The following DIS3L variants were observed in gnomAD, a reference collection of about 807,000 sequenced individuals.
DIS3L encodes the protein DIS3-like exonuclease 1.
In DIS3L, 100 loss-of-function variants were observed where a neutral mutation model predicts 120.3. The ratio of observed to expected loss-of-function variants is 0.83; its 90% CI spans 0.71 to 0.98. The LOEUF (loss-of-function observed/expected upper bound fraction) is 0.98, where lower values mean the gene tolerates loss of function less well. DIS3L is among the 50% of genes least tolerant of loss of function. The pLI, the probability that DIS3L is intolerant of heterozygous loss-of-function variation, is 0.00. For synonymous variants in DIS3L, 426 were observed against 470.6 expected, an observed-to-expected ratio of 0.91 and a Z score of 1.23; for missense variants, 1,196 against 1,314.2, an observed-to-expected ratio of 0.91 and a Z score of 1.39.
intron 14 of DIS3L, among the ~76,000 whole-genome samples, chr15:66,331,128 C>G (rs2092994250): frequency 6.6e-6 from 1 of 151,974 alleles, no homozygotes; most frequent in African/African-American, 2.4e-5. Context: ...GCACTCCAGC[C>G]TAGGCGATAG....
At chr15:66,305,503 T>C (rs547862910) in intron 2 of DIS3L, among the ~76,000 whole-genome samples, 2 of 152,220 alleles carry the variant, frequency 1.3e-5, no homozygotes, top group South Asian at 4.1e-4. Context: ...TTAAATCTGA[T>C]TTAATATGAA....
intron 9 of DIS3L, 104 bp downstream of exon 9, chr15:66,320,836 T>C: frequency 7.3e-7 from 1 of 1,361,560 alleles, no homozygotes. Flanking sequence ...AACAACCCAC[T>C]GTGTGAAGGC....
chr15:66,330,563 C>A, intron 14 of DIS3L: 1 of 982,500 alleles, frequency 1.0e-6, no homozygotes, highest in Non-Finnish European at 1.2e-6. Context: ...GCCATGTGGA[C>A]TACCTAAATT....
chr15:66,333,502 G>A lies in DIS3L; in HGVS notation c.*190G>A, dbSNP rs531773853. The A allele has an allele frequency of 1.8e-5, 9 of 508,708 alleles. No homozygotes were observed. Among genetic ancestry groups the A allele is most frequent in the Middle Eastern group, 5.3e-4 (1 of 1,880 alleles). The allele number at this position is 508,708 out of a possible 1,614,324, so 31.5% of individuals were successfully genotyped here. A position where few individuals can be genotyped will look rare whatever the true frequency, so the allele number is the denominator to read the frequency against. On this transcript the variant is annotated 3_prime_UTR_variant, in exon 17 of 17. Coordinates refer to ENST00000319212, the MANE Select transcript of DIS3L (RefSeq NM_001143688.3). Reference sequence around the variant, plus strand: ...CCCCAGCACTTTGGGAGGCTGAGGCGGGCGGATCACGAGGTCAGGAGATTG... The same window carrying A: ...CCCCAGCACTTTGGGAGGCTGAGGCAGGCGGATCACGAGGTCAGGAGATTG...
chr15:66,318,701 A>C, intron 8 of DIS3L, 83 bp downstream of exon 8: 1 of 1,380,752 alleles, frequency 7.2e-7, no homozygotes, highest in Non-Finnish European at 9.9e-7. Context: ...ACCAGAAAGC[A>C]TTGTTAATTC....
intron 4 of DIS3L, 79 bp downstream of exon 4, chr15:66,308,923 C>T (rs2092728061): frequency 6.9e-7 from 1 of 1,455,414 alleles, no homozygotes; most frequent in Middle Eastern, 1.9e-4. Flanking sequence ...TTTGGTAACA[C>T]AGAAAAGAGA....
intron 6 of DIS3L, 117 bp from the exon 7 acceptor site, chr15:66,314,919 A>G: frequency 9.1e-7 from 1 of 1,100,498 alleles, no homozygotes; most frequent in Non-Finnish European, 1.3e-6. Flanking sequence ...CTTTGAAAAG[A>G]AAAAGCTTTA....
At chr15:66,313,942 G>C (rs2092791592) in intron 5 of DIS3L, 97 bp from the exon 6 acceptor site, 1 of 870,610 alleles carries the variant, frequency 1.1e-6, no homozygotes. Flanking sequence ...GAATATTATG[G>C]GGATGTTTTC....
intron 2 of DIS3L, among the ~76,000 whole-genome samples, chr15:66,301,384 G>A (rs2092646404): frequency 6.6e-6 from 1 of 151,838 alleles, no homozygotes; most frequent in Non-Finnish European, 1.5e-5. Flanking sequence ...GGGTTTAAGC[G>A]GTTCTCCTGC....
At chr15:66,295,625 A>C (rs1264831554) in intron 2 of DIS3L, among the ~76,000 whole-genome samples, 1 of 152,194 alleles carries the variant, frequency 6.6e-6, no homozygotes, top group Non-Finnish European at 1.5e-5. Flanking sequence ...TTTTATTTTT[A>C]GATTACTAGT....
intron 12 of DIS3L, among the ~76,000 whole-genome samples, chr15:66,327,871 G>A (rs1219705277): frequency 6.6e-6 from 1 of 152,172 alleles, no homozygotes; most frequent in African/African-American, 2.4e-5. Flanking sequence ...GACCAGCCTT[G>A]CCAACATGAT....
rs774480883 is a variant in DIS3L, at chr15:66,314,090, C to A, written c.787C>A (p.Leu263Ile). The change falls in exon 6 of 17, where the codon CTT becomes ATT. Residue 263 changes from leucine (L) to isoleucine (I), a missense_variant. By Grantham distance (5) the Leu-to-Ile change is conservative. Transcript: ENST00000319212. ...HRAQIEAFVR[L>I]QGASSKDSDL... ...AGCCCAAATAGAAGCTTTTGTTCGA[C>A]TTCAAGGAGCCAGCAGTAAAGATTC... 160 of 1,527,404 alleles carry A rather than the reference C, an allele frequency of 1.0e-4. No individual in the cohort carries two copies. Among genetic ancestry groups the A allele is most frequent in the Non-Finnish European group, 1.3e-4 (150 of 1,144,318 alleles). The allele number at this position is 1,527,404 out of a possible 1,614,324, so 94.6% of individuals were successfully genotyped here. A position where few individuals can be genotyped will look rare whatever the true frequency, so the allele number is the denominator to read the frequency against.
intron 2 of DIS3L, among the ~76,000 whole-genome samples, chr15:66,296,864 G>C (rs1566932746): frequency 6.6e-6 from 1 of 152,128 alleles, no homozygotes; most frequent in Non-Finnish European, 1.5e-5. Context: ...CTATTGTCTT[G>C]CTGGGGTTAG....
chr15:66,311,425 T>C (rs1168259732), intron 4 of DIS3L, among the ~76,000 whole-genome samples: 1 of 152,166 alleles, frequency 6.6e-6, no homozygotes, highest in Non-Finnish European at 1.5e-5. Flanking sequence ...ACAGGCTGCC[T>C]GGACGTGCGC....
intron 5 of DIS3L, 126 bp downstream of exon 5, chr15:66,312,026 G>C: frequency 9.2e-7 from 1 of 1,085,370 alleles, no homozygotes; most frequent in South Asian, 1.6e-5. Flanking sequence ...GGGCAACATA[G>C]TGAAACCCTG....
At chr15:66,330,623 T>TGA in intron 14 of DIS3L, 2 of 851,540 alleles carry the variant, frequency 2.3e-6, no homozygotes, top group Non-Finnish European at 2.8e-6. Flanking sequence ...TTGGCCAGTG[T>TGA]CTCAGTCACA....
chr15:66,300,208 C>A (rs1317104630), intron 2 of DIS3L, among the ~76,000 whole-genome samples: 1 of 152,110 alleles, frequency 6.6e-6, no homozygotes, highest in African/African-American at 2.4e-5. Context: ...ATTATTCAGC[C>A]ATAAGATGGA....
intron 2 of DIS3L, among the ~76,000 whole-genome samples, chr15:66,305,222 G>A (rs1004269846): frequency 8.6e-5 from 13 of 151,660 alleles, no homozygotes; most frequent in African/African-American, 2.9e-4. Context: ...GGATGGTCTC[G>A]ATCTCCTGAC....
At chr15:66,332,677 A>G in intron 15 of DIS3L, 59 bp from the exon 16 acceptor site, 1 of 1,465,540 alleles carries the variant, frequency 6.8e-7, no homozygotes, top group Non-Finnish European at 9.2e-7. Context: ...AGATAAGCAT[A>G]CAAGATCTGT....
Sources: allele counts gnomAD v4.1 joint callset (sites outside exome capture counted in the v4.1 genomes callset), GRCh38; gene constraint gnomAD v4.1.1; transcripts MANE v1.5; gene names NCBI Gene and HGNC (gene_info 2026-07-23, HGNC 2026-07-21).